CFAP20DC: variants seen among roughly 807,000 people sequenced by gnomAD.
CFAP20DC encodes CFAP20 domain containing, also known as protein CFAP20DC.
In CFAP20DC, 84 loss-of-function variants were observed where a neutral mutation model predicts 101.7. That is an observed-to-expected ratio of 0.83 (90% CI 0.69 to 0.99). The LOEUF (loss-of-function observed/expected upper bound fraction) is 0.99. Ranked by LOEUF, CFAP20DC falls within the 50% of genes least tolerant of loss-of-function variation. CFAP20DC has a pLI of 0.00. For missense variants in CFAP20DC, 1,007 were observed against 970.3 expected, an observed-to-expected ratio of 1.04 and a Z score of -0.50; for synonymous variants, 359 against 351.2, an observed-to-expected ratio of 1.02 and a Z score of -0.25.
chr3:58,829,078 T>C (rs916478357), intron 14 of CFAP20DC, among the ~76,000 whole-genome samples: 8 of 152,018 alleles, frequency 5.3e-5, no homozygotes, highest in Non-Finnish European at 1.0e-4. Context: ...TCACCTGTAA[T>C]CCCAGCACTT....
chr3:58,739,755 G>T (rs959341099), downstream of CFAP20DC, among the ~76,000 whole-genome samples: 4 of 152,296 alleles, frequency 2.6e-5, no homozygotes, highest in Admixed American at 6.5e-5. Context: ...AATGAAATTT[G>T]ATAACCAGTG....
At chr3:58,780,508 TA>T (rs969787631) in intron 15 of CFAP20DC, among the ~76,000 whole-genome samples, 4 of 150,248 alleles carry the variant, frequency 2.7e-5, no homozygotes, top group African/African-American at 7.3e-5. Context: ...GCTGAATGAA[TA>T]AAAAAAAAGA....
chr3:58,771,841 C>T (rs141069848), intron 15 of CFAP20DC, among the ~76,000 whole-genome samples: 2,176 of 152,316 alleles, frequency 0.014, 28 homozygotes, highest in Non-Finnish European at 0.021. Flanking sequence ...GTTGTCTTGT[C>T]ACATCTCCAC....
At chr3:58,940,030 A>T (rs914729697) in intron 4 of CFAP20DC, among the ~76,000 whole-genome samples, 1 of 152,016 alleles carries the variant, frequency 6.6e-6, no homozygotes, top group Non-Finnish European at 1.5e-5. Context: ...GCCTCCCAAA[A>T]TGTTGGGATT....
intron 15 of CFAP20DC, among the ~76,000 whole-genome samples, chr3:58,758,974 T>C (rs1161233063): frequency 6.6e-6 from 1 of 152,216 alleles, no homozygotes; most frequent in Non-Finnish European, 1.5e-5. Flanking sequence ...TCTTTGCTAT[T>C]GTGAATAGTG....
chr3:58,930,991 G>C (rs1416613302), intron 5 of CFAP20DC, among the ~76,000 whole-genome samples: 1 of 152,204 alleles, frequency 6.6e-6, no homozygotes, highest in African/African-American at 2.4e-5. Context: ...GGAAGCACAA[G>C]GGGTCAGGGA....
At position 58,849,361 on chromosome 3, in the gene CFAP20DC, C is replaced by G; in HGVS notation, c.1642G>C (p.Glu548Gln). Residue 548 changes from glutamate (E) to glutamine (Q), a missense_variant, in exon 13 of 17, where the codon GAG (glutamate) becomes CAG (glutamine). Transcript: ENST00000482387. Reference sequence around the variant, plus strand: ...CTCTCTAATGTTAACTGAGTTAACTCTGAAGGACCAGTTGTTGGGCCTCGA... The same window carrying G: ...CTCTCTAATGTTAACTGAGTTAACTGTGAAGGACCAGTTGTTGGGCCTCGA... Reference protein sequence around the residue: ...GSRGPTTGPSELTQLTLESLL... With the variant: ...GSRGPTTGPSQLTQLTLESLL... 5.9e-6 allele frequency: 9 copies of G among 1,535,378 alleles called. No homozygotes were observed. The highest frequency in any genetic ancestry group is 7.9e-6 in the Non-Finnish European group (9 of 1,146,298).
intron 1 of CFAP20DC, among the ~76,000 whole-genome samples, chr3:59,049,123 C>T (rs541106998): frequency 1.6e-4 from 24 of 152,238 alleles, no homozygotes; most frequent in Non-Finnish European, 3.2e-4. Flanking sequence ...GTCTGAGATT[C>T]ACTGACTCCC....
chr3:59,037,368 T>C (rs2094123096), intron 4 of CFAP20DC, among the ~76,000 whole-genome samples: 1 of 151,992 alleles, frequency 6.6e-6, no homozygotes, highest in African/African-American at 2.4e-5. Context: ...GAGAAAATTT[T>C]TGCAATCTAC....
At chr3:58,772,492 G>T (rs930898533) in intron 15 of CFAP20DC, among the ~76,000 whole-genome samples, 2 of 152,146 alleles carry the variant, frequency 1.3e-5, no homozygotes, top group Non-Finnish European at 2.9e-5. Context: ...GACACTAGCA[G>T]CATATACTGC....
At chr3:58,807,314 C>T (rs1358370156) in intron 14 of CFAP20DC, among the ~76,000 whole-genome samples, 2 of 152,156 alleles carry the variant, frequency 1.3e-5, no homozygotes, top group Non-Finnish European at 2.9e-5. Context: ...GGGAGGCACC[C>T]CCCAGTAGGG....
intron 12 of CFAP20DC, among the ~76,000 whole-genome samples, chr3:58,851,592 AC>A (rs1273824416): frequency 6.6e-6 from 1 of 152,192 alleles, no homozygotes; most frequent in African/African-American, 2.4e-5. Context: ...AAAGATAAAA[AC>A]AAAAAATATA....
intron 12 of CFAP20DC, among the ~76,000 whole-genome samples, chr3:58,852,385 T>C (rs1355474936): frequency 6.6e-6 from 1 of 151,836 alleles, no homozygotes; most frequent in African/African-American, 2.4e-5. Context: ...CACACATTAA[T>C]AATGAGAGAC....
intron 4 of CFAP20DC, among the ~76,000 whole-genome samples, chr3:59,004,630 A>C (rs1432239537): frequency 6.6e-6 from 1 of 152,224 alleles, no homozygotes; most frequent in African/African-American, 2.4e-5. Context: ...CGTCATTAAA[A>C]ATTGTTAATT....
At chr3:58,819,516 C>G (rs1395901413) in intron 14 of CFAP20DC, among the ~76,000 whole-genome samples, 2,022 of 149,914 alleles carry the variant, frequency 0.013, 27 homozygotes, top group Non-Finnish European at 0.02. Flanking sequence ...ACAAACACCT[C>G]TACGCAAATA....
chr3:58,890,757 C>G (rs1378101238), intron 6 of CFAP20DC, among the ~76,000 whole-genome samples: 2 of 150,154 alleles, frequency 1.3e-5, no homozygotes, highest in Non-Finnish European at 3.0e-5. Context: ...GGGTTGCGGC[C>G]GGGCAGAGGC....
intron 7 of CFAP20DC, among the ~76,000 whole-genome samples, chr3:58,872,027 G>A (rs1016591552): frequency 6.6e-6 from 1 of 152,148 alleles, no homozygotes; most frequent in Non-Finnish European, 1.5e-5. Flanking sequence ...GCTTCCCAAG[G>A]AACTCCTGAT....
intron 15 of CFAP20DC, among the ~76,000 whole-genome samples, chr3:58,785,443 C>A (rs2072245498): frequency 6.6e-6 from 1 of 151,928 alleles, no homozygotes; most frequent in Admixed American, 6.6e-5. Context: ...TGAAATGATA[C>A]CAACACACAG....
chr3:58,933,841 C>G (rs533928921), intron 5 of CFAP20DC, among the ~76,000 whole-genome samples: 2 of 151,714 alleles, frequency 1.3e-5, no homozygotes, highest in African/African-American at 2.4e-5. Context: ...AATTGACACC[C>G]TAACATCACA....
Sources: allele counts gnomAD v4.1 joint callset (sites outside exome capture counted in the v4.1 genomes callset), GRCh38; gene constraint gnomAD v4.1.1; transcripts MANE v1.5; gene names NCBI Gene and HGNC (gene_info 2026-07-23, HGNC 2026-07-21).